Variants in ZNF335 observed in about 807,000 individuals in gnomAD.
The protein encoded by ZNF335 is NRC-interacting factor 1.
A neutral mutation model predicts 145.6 loss-of-function variants in ZNF335; 84 were observed. The ratio of observed to expected loss-of-function variants is 0.58; its 90% CI spans 0.48 to 0.69. The LOEUF (loss-of-function observed/expected upper bound fraction) is 0.69, where lower values mean the gene tolerates loss of function less well. Among genes scored for constraint, ZNF335 ranks in the 30% least tolerant of loss-of-function variants. The pLI is 0.00. For missense variants in ZNF335, 1,865 were observed against 1,809.7 expected (o/e 1.03, Z -0.55); for synonymous variants, 761 against 717.0 (o/e 1.06, Z -0.98).
rs777938342 is a variant in ZNF335 at position 45,952,473 on chromosome 20, A to G, written c.2863T>C (p.Ser955Pro). 6.4e-7 allele frequency: 1 copy of G among 1,562,404 alleles called. No individual in the cohort carries two copies. Among genetic ancestry groups the G allele is most frequent in the Admixed American group, 1.8e-5 (1 of 55,974 alleles). ...ISFPSPDALA[S>P]GAKWPLLQCG... ...TGCAGCAGGGGCCATTTGGCACCAG[A>G]GGCCAGAGCATCTGGACTTGGGAAG... is the stretch of plus-strand genomic sequence containing the variant. Residue 955 changes from serine to proline, a missense_variant, in exon 20 of 28, where the codon TCT (serine) becomes CCT (proline). Ser to Pro is a moderately conservative substitution (Grantham distance 74, BLOSUM62 -1). Transcript: ENST00000322927.
At position 45,952,270 on chromosome 20, in the gene ZNF335, C is replaced by G; in HGVS notation, c.3066G>C (p.Lys1022Asn). Reference sequence around the variant, plus strand: ...GGCCAGGGAAGGCCTCGGCACAGATCTTGCAGGAAAACTTCTTTGATGCAG... The same window carrying G: ...GGCCAGGGAAGGCCTCGGCACAGATGTTGCAGGAAAACTTCTTTGATGCAG... ...ATAASKKFSC[K>N]ICAEAFPGRA... is the part of the protein sequence containing the mutation. The change falls in exon 20 of 28, where the codon AAG (lysine) becomes AAC (asparagine). Residue 1022 changes from lysine to asparagine, a missense_variant. Transcript: ENST00000322927. The G allele has an allele frequency of 6.2e-7, 1 of 1,613,522 alleles. No individual in the cohort carries two copies. Among genetic ancestry groups the G allele is most frequent in the Non-Finnish European group, 8.5e-7 (1 of 1,180,038 alleles).
intron 7 of ZNF335, among the ~76,000 whole-genome samples, chr20:45,964,764 C>T (rs941031562): frequency 3.9e-5 from 6 of 151,996 alleles, no homozygotes; most frequent in East Asian, 1.9e-4. Context: ...AGGCCAAGTG[C>T]GGTGGCTCAC....
At chr20:45,961,331 C>T (rs6073971) in intron 10 of ZNF335, among the ~76,000 whole-genome samples, 19,851 of 152,116 alleles carry the variant, frequency 0.13, 1,638 homozygotes, top group South Asian at 0.2. Context: ...GTTGAGGCTG[C>T]AGTGAGCTGT....
intron 9 of ZNF335, 132 bp downstream of exon 9, chr20:45,963,341 C>T (rs191561320): frequency 6.0e-5 from 63 of 1,055,930 alleles, no homozygotes; most frequent in South Asian, 4.7e-4. Context: ...GAGCCAGACA[C>T]GCGTTCTGAA....
At position 45,968,325 on chromosome 20, in the gene ZNF335, G is replaced by A. The variant is rs760093460; in HGVS notation, c.480C>T (p.Ala160=). Residue 160 remains alanine, a synonymous_variant, in exon 4 of 28, where the codon GCC becomes GCT. Coordinates refer to ENST00000322927, the MANE Select transcript of ZNF335 (RefSeq NM_022095.4). The part of the protein sequence containing the change: ...ITVTSAEDGG[A]ETTRYLILQG... ...GTAGGATCAGGTACCGTGTGGTCTC[G>A]GCCCCGCCATCCTCAGCACTGGTCA... The A allele has an allele frequency of 1.2e-5, 19 of 1,612,800 alleles. No individual in the cohort carries two copies. Among genetic ancestry groups the A allele is most frequent in the Admixed American group, 5.0e-5 (3 of 59,946 alleles).
chr20:45,959,278 G>C lies in ZNF335; in HGVS notation c.2176C>G (p.Leu726Val). 1 of 1,543,234 alleles carries C rather than the reference G, an allele frequency of 6.5e-7. No individual in the cohort carries two copies. Among genetic ancestry groups the C allele is most frequent in the Non-Finnish European group, 8.8e-7 (1 of 1,139,774 alleles). Reference sequence around the variant, plus strand: ...TGCTTCAGCTCCTCAATCTGCTGCAGAGAGAAGAAGGGGCGACGGCGGGAG... The same window carrying C: ...TGCTTCAGCTCCTCAATCTGCTGCACAGAGAAGAAGGGGCGACGGCGGGAG... The part of the protein sequence containing the change: ...PPSRRRPFFS[L>V]QQIEELKQQH... Residue 726 changes from leucine (L) to valine (V), a missense_variant, in exon 15 of 28, where the codon CTG (leucine) becomes GTG (valine). Transcript: ENST00000322927.
At position 45,949,544 on chromosome 20, in the gene ZNF335, C is replaced by G; in HGVS notation, c.3694G>C (p.Gly1232Arg). The change falls in exon 25 of 28, where the codon GGT becomes CGT. Residue 1232 changes from glycine to arginine, a missense_variant. By Grantham distance (125) the Gly-to-Arg change is moderately radical (BLOSUM62 -2). Coordinates refer to ENST00000322927, the MANE Select transcript of ZNF335 (RefSeq NM_022095.4). Reference sequence around the variant, plus strand: ...TCCTGGGGGAGCAGGTGCTGGACACCATCCTGGGAGATGATATACTGCACC... The same window carrying G: ...TCCTGGGGGAGCAGGTGCTGGACACGATCCTGGGAGATGATATACTGCACC... ...NQVQYIISQDGVQHLLPQEYV... is the reference protein window; with the variant it reads ...NQVQYIISQDRVQHLLPQEYV... The G allele has an allele frequency of 6.2e-7, 1 of 1,612,984 alleles. No homozygotes were observed. The highest frequency in any genetic ancestry group is 8.5e-7 in the Non-Finnish European group (1 of 1,179,830).
At position 45,971,449 on chromosome 20, in the gene ZNF335, G is replaced by A; in HGVS notation, c.-39C>T. On this transcript the variant is annotated 5_prime_UTR_variant, in exon 2 of 28. Coordinates refer to ENST00000322927, the MANE Select transcript of ZNF335 (RefSeq NM_022095.4). ...TGCCTGACAGCGGGGCGTAGGGTCT[G>A]GGAACTTCACTCTGAGAAGAGAGGT... 1.3e-6 allele frequency: 2 copies of A among 1,594,540 alleles called. No individual in the cohort carries two copies. The highest frequency in any genetic ancestry group is 1.7e-6 in the Non-Finnish European group (2 of 1,177,824).
In ZNF335 at chr20:45,963,564, C is replaced by G. The variant is rs773305820; in HGVS notation, c.1442G>C (p.Arg481Pro). 2 of 1,614,188 alleles carry G rather than the reference C, an allele frequency of 1.2e-6. No individual in the cohort carries two copies. Among genetic ancestry groups the G allele is most frequent in the Non-Finnish European group, 1.7e-6 (2 of 1,180,042 alleles). Residue 481 changes from arginine (R) to proline (P), a missense_variant, in exon 9 of 28, where the codon CGC becomes CCC. Arg to Pro is a moderately radical substitution (Grantham distance 103). Coordinates refer to ENST00000322927, the MANE Select transcript of ZNF335 (RefSeq NM_022095.4). ...AGCCTCATGGGAGTTGACGTGGAAGCGCAGGTCCTCGTGGGACAGAAAGCG... is the reference window on the plus strand; with the variant it reads ...AGCCTCATGGGAGTTGACGTGGAAGGGCAGGTCCTCGTGGGACAGAAAGCG... ...GSRFLSHEDL[R>P]FHVNSHEAGD...
In ZNF335 at chr20:45,952,539, G is replaced by A. The variant is rs1208917110; in HGVS notation, c.2815-18C>T. The A allele has an allele frequency of 6.2e-6, 10 of 1,603,712 alleles. No homozygotes were observed. Among genetic ancestry groups the A allele is most frequent in the Non-Finnish European group, 8.5e-6 (10 of 1,173,386 alleles). On this transcript the variant is annotated intron_variant, in intron 19 of 27. Transcript: ENST00000322927. Reference sequence around the variant, plus strand: ...GCGGTGAGCTGTAGAGAGACAGGGAGCATGAGGTACTGAGAAGGGGAGGGA... The same window carrying A: ...GCGGTGAGCTGTAGAGAGACAGGGAACATGAGGTACTGAGAAGGGGAGGGA...
In ZNF335 at chr20:45,949,387, G is replaced by A. The variant is rs373911621; in HGVS notation, c.3765C>T (p.Gly1255=). The change falls in exon 26 of 28, where the codon GGC becomes GGT. Residue 1255 remains glycine (G), a synonymous_variant. Transcript: ENST00000322927. ...GTTCATACTGGATGTGTGTGATCTGGCCCTCCTGTACCTGCAGAGAGGAAG... is the reference window on the plus strand; with the variant it reads ...GTTCATACTGGATGTGTGTGATCTGACCCTCCTGTACCTGCAGAGAGGAAG... ...PEGHHIQVQE[G]QITHIQYEQG... is the part of the protein sequence containing the mutation. 6.2e-7 allele frequency: 1 copy of A among 1,614,090 alleles called. No homozygotes were observed. The highest frequency in any genetic ancestry group is 1.1e-5 in the South Asian group (1 of 91,088).
At chr20:45,958,333 C>G (rs747698989) in intron 15 of ZNF335, among the ~76,000 whole-genome samples, 3 of 152,224 alleles carry the variant, frequency 2.0e-5, no homozygotes. Context: ...AGGCATGGGC[C>G]ACCATGCCCA....
rs2145367707 is a variant in ZNF335, at chr20:45,954,774, T to C, written c.2443-826A>G. 2.3e-5 allele frequency among the ~76,000 whole-genome samples: 3 copies of C among 131,020 alleles called. No homozygotes were observed. The South Asian group carries it at 7.0e-4, about 31-fold the overall frequency. 86.0% of individuals were successfully genotyped at this position (131,020 alleles called of 152,430 possible). A position where few individuals can be genotyped will look rare whatever the true frequency, so the allele number is the denominator to read the frequency against. ...TCATTTACGGTCATACAATTACTTT[T>C]TTTTTTTTTTTTTTTTTTTGAGACT... On this transcript the variant is annotated intron_variant, in intron 17 of 27. Coordinates refer to ENST00000322927, the MANE Select transcript of ZNF335 (RefSeq NM_022095.4).
chr20:45,959,073 T>G, intron 15 of ZNF335, 128 bp downstream of exon 15: 1 of 741,064 alleles, frequency 1.3e-6, no homozygotes, highest in South Asian at 4.8e-5. Context: ...GGCATATGTG[T>G]GACTCAGTGA....
Position 45,952,354 on chromosome 20 carries a change from A to G in ZNF335, c.2982T>C (p.Pro994=), listed in dbSNP as rs772039497. Residue 994 remains proline (P), a synonymous_variant, in exon 20 of 28, where the codon CCT becomes CCC. Coordinates refer to ENST00000322927, the MANE Select transcript of ZNF335 (RefSeq NM_022095.4). ...CCAGGCCCAGGGCTTTGCTGGTTGCAGGAGGTGAGGAGGCAGAGCTCTGGG... is the reference window on the plus strand; with the variant it reads ...CCAGGCCCAGGGCTTTGCTGGTTGCGGGAGGTGAGGAGGCAGAGCTCTGGG... ...GDSQSSASSP[P]ATSKALGLAV... 10 of 1,612,164 alleles carry G rather than the reference A, an allele frequency of 6.2e-6. No homozygotes were observed. The Admixed American group carries it at 1.5e-4, about 24-fold the overall frequency.
In ZNF335 at chr20:45,948,855, T is replaced by A; in HGVS notation, c.*98A>T. 6.4e-7 allele frequency: 1 copy of A among 1,574,220 alleles called. No homozygotes were observed. Among genetic ancestry groups the A allele is most frequent in the Non-Finnish European group, 8.7e-7 (1 of 1,153,780 alleles). On this transcript the variant is annotated 3_prime_UTR_variant, in exon 28 of 28. Coordinates refer to ENST00000322927, the MANE Select transcript of ZNF335 (RefSeq NM_022095.4). ...ATGAGAGGATGCTGGCTATCCAGTA[T>A]CTGGAGATCCTAAATGAAGAGGGAG...
At chr20:45,971,645 C>T in intron 1 of ZNF335, 185 bp from the exon 2 acceptor site, 1 of 985,482 alleles carries the variant, frequency 1.0e-6, no homozygotes, top group Non-Finnish European at 1.2e-6. Flanking sequence ...GCTGTGCTTC[C>T]CAGGCTAAGG....
In ZNF335 at chr20:45,971,333, G is replaced by A. The variant is rs2084062735; in HGVS notation, c.78C>T (p.Gly26=). The change falls in exon 2 of 28, where the codon GGC becomes GGT. Residue 26 remains glycine, a synonymous_variant. Transcript: ENST00000322927. ...CGGCTTCTGAGGTGCCCACACCCAGGCCGCTCTCAGAGGGCTCCTCGGGCC... is the reference window on the plus strand; with the variant it reads ...CGGCTTCTGAGGTGCCCACACCCAGACCGCTCTCAGAGGGCTCCTCGGGCC... ...PGRPEEPSES[G]LGVGTSEAVS... is the part of the protein sequence containing the mutation. The A allele has an allele frequency of 1.3e-6, 2 of 1,598,452 alleles. No individual in the cohort carries two copies. Among genetic ancestry groups the A allele is most frequent in the African/African-American group, 2.7e-5 (2 of 74,874 alleles).
rs1268488631 is a variant in ZNF335, at chr20:45,949,170, CTG to C, written c.3899_3900del (p.Thr1300SerfsTer4). ...TGCTCCTCAGGATCCAGCTCCATAC[CTG>C]TGACAGCTGAGTGTGCTGCAGCCTC... is the stretch of plus-strand genomic sequence containing the variant. ...QLEAAAHSAV[T>X]AVADAAMAQA... On this transcript the variant is annotated frameshift_variant and splice_region_variant, in exon 27 of 28. Coordinates refer to ENST00000322927, the MANE Select transcript of ZNF335 (RefSeq NM_022095.4). LOFTEE classifies it high-confidence loss of function. The C allele has an allele frequency of 6.2e-7, 1 of 1,613,694 alleles. No individual in the cohort carries two copies. The highest frequency in any genetic ancestry group is 8.5e-7 in the Non-Finnish European group (1 of 1,179,974).
Sources: allele counts gnomAD v4.1 joint callset (sites outside exome capture counted in the v4.1 genomes callset), GRCh38; gene constraint gnomAD v4.1.1; transcripts MANE v1.5; gene names NCBI Gene and HGNC (gene_info 2026-07-23, HGNC 2026-07-21).